Variants in ODAD4 observed in about 807,000 individuals in gnomAD.
The protein encoded by ODAD4 is outer dynein arm docking complex subunit 4, also known as outer dynein arm-docking complex subunit 4.
Under a neutral mutation model 51.8 loss-of-function variants are expected in ODAD4, and 49 were observed. The observed-to-expected ratio is 0.95, with a 90% confidence interval of 0.75 to 1.20. The LOEUF (loss-of-function observed/expected upper bound fraction) is 1.20. Among genes scored for constraint, ODAD4 ranks in the 50% most tolerant of loss-of-function variants. ODAD4 has a pLI of 0.00. For synonymous variants in ODAD4, 235 were observed against 221.3 expected, an observed-to-expected ratio of 1.06 and a Z score of -0.55; for missense variants, 590 against 586.5, an observed-to-expected ratio of 1.01 and a Z score of -0.06.
intron 9 of ODAD4, among the ~76,000 whole-genome samples, chr17:41,951,330 G>T (rs2050648681): frequency 1.3e-5 from 2 of 151,884 alleles, no homozygotes; most frequent in African/African-American, 4.8e-5. Flanking sequence ...TGATCTGCCT[G>T]CTTCAGCCTC....
rs2050874479 is a variant in ODAD4, at chr17:41,965,698, G to A, written c.*215G>A. 2.5e-5 allele frequency: 13 copies of A among 510,182 alleles called. No individual in the cohort carries two copies. The East Asian group carries it at 3.8e-4, about 15-fold the overall frequency. The allele number at this position is 510,182 out of a possible 1,614,324, so 31.6% of individuals were successfully genotyped here. A position where few individuals can be genotyped will look rare whatever the true frequency, so the allele number is the denominator to read the frequency against. On this transcript the variant is annotated 3_prime_UTR_variant, in exon 12 of 12. Coordinates refer to ENST00000377540, the MANE Select transcript of ODAD4 (RefSeq NM_031421.5). ...TCTTCACCCCTGCCCATTCTTGGAAGAGCATCGTGGAAGAAATGAGAAAGG... is the reference window on the plus strand; with the variant it reads ...TCTTCACCCCTGCCCATTCTTGGAAAAGCATCGTGGAAGAAATGAGAAAGG...
chr17:41,930,802 G>A lies in ODAD4; in HGVS notation c.79G>A (p.Gly27Arg), dbSNP rs199737978. ...CGAAGGCGAGCGGCTCTACCTGTGCGGGGAATTTTCTAAAGCCGCGCAGAG... is the reference window on the plus strand; with the variant it reads ...CGAAGGCGAGCGGCTCTACCTGTGCAGGGAATTTTCTAAAGCCGCGCAGAG... Reference protein sequence around the residue: ...MAEGERLYLCGEFSKAAQSFS... With the variant: ...MAEGERLYLCREFSKAAQSFS... Residue 27 changes from glycine to arginine, a missense_variant, in exon 1 of 12, where the codon GGG (glycine) becomes AGG (arginine). Around this residue, in one of 3 missense-constraint regions of ODAD4, gnomAD observed 360 missense variants for 407.5 expected, o/e 0.88. Coordinates refer to ENST00000377540, the MANE Select transcript of ODAD4 (RefSeq NM_031421.5). The A allele has an allele frequency of 1.1e-4, 176 of 1,602,842 alleles. No homozygotes were observed. The highest frequency in any genetic ancestry group is 1.4e-4 in the Non-Finnish European group (163 of 1,174,438).
In ODAD4 at chr17:41,965,034, G is replaced by A. The variant is rs782366923; in HGVS notation, c.1570G>A (p.Asp524Asn). Residue 524 changes from aspartate to asparagine, a missense_variant, in exon 12 of 12, where the codon GAC becomes AAC. Asp to Asn is a conservative substitution (Grantham distance 23). Coordinates refer to ENST00000377540, the MANE Select transcript of ODAD4 (RefSeq NM_031421.5). ...AGATAGAATAATAACAAGAGAGAAGGACATGAGGAGAGTGAGAGATGAGCC... is the reference window on the plus strand; with the variant it reads ...AGATAGAATAATAACAAGAGAGAAGAACATGAGGAGAGTGAGAGATGAGCC... ...YEDRIITREK[D>N]MRRVRDEPEK... 1 of 731,272 alleles carries A rather than the reference G, an allele frequency of 1.4e-6. No homozygotes were observed. The highest frequency in any genetic ancestry group is 2.5e-6 in the Non-Finnish European group (1 of 392,864). The allele number at this position is 731,272 out of a possible 1,614,324, so 45.3% of individuals were successfully genotyped here.
chr17:41,950,999 T>C (rs2050643608), intron 9 of ODAD4, among the ~76,000 whole-genome samples: 1 of 151,992 alleles, frequency 6.6e-6, no homozygotes, highest in Non-Finnish European at 1.5e-5. Flanking sequence ...CATAAGCCAC[T>C]GCACCCGGCC....
rs563243947 is a variant in ODAD4, at chr17:41,935,678, A to G, written c.326A>G (p.Lys109Arg). Residue 109 changes from lysine (K) to arginine (R), a missense_variant, in exon 3 of 12, where the codon AAG becomes AGG. Lys to Arg is a conservative substitution (Grantham distance 26). This residue lies in a region of ODAD4 where 360 missense variants were observed against 407.5 expected (regional missense o/e 0.88). Transcript: ENST00000377540. ...FALVFYHRGY[K>R]LRPDREFRVG... ...TTGGTATTCTATCATCGAGGCTACA[A>G]GCTGAGGCCTGATCGGGAATTCAGA... The G allele has an allele frequency of 6.2e-7, 1 of 1,613,858 alleles. No individual in the cohort carries two copies. Among genetic ancestry groups the G allele is most frequent in the South Asian group, 1.1e-5 (1 of 91,038 alleles).
Position 41,961,456 on chromosome 17 carries a change from A to G in ODAD4, c.1518A>G (p.Lys506=), listed in dbSNP as rs781796717. The G allele has an allele frequency of 8.2e-6, 6 of 728,782 alleles. No homozygotes were observed. Among genetic ancestry groups the G allele is most frequent in the Non-Finnish European group, 1.5e-5 (6 of 391,132 alleles). The allele number at this position is 728,782 out of a possible 1,614,324, so 45.1% of individuals were successfully genotyped here. Residue 506 remains lysine, a synonymous_variant, in exon 11 of 12, where the codon AAA becomes AAG. Coordinates refer to ENST00000377540, the MANE Select transcript of ODAD4 (RefSeq NM_031421.5). ...ACTACGTGGAGAATCTCAAAGAAAA[A>G]AGCGAGGGAGGTGAGTTCCTGAAAC... is the stretch of plus-strand genomic sequence containing the variant. ...KTNYVENLKE[K]SEGEASLYED...
intron 9 of ODAD4, among the ~76,000 whole-genome samples, chr17:41,952,106 T>C (rs2050661965): frequency 6.6e-6 from 1 of 151,356 alleles, no homozygotes; most frequent in South Asian, 2.1e-4. Flanking sequence ...CAGTGGCCCA[T>C]GCCTGTAATC....
Position 41,930,663 on chromosome 17 carries a change from A to T in ODAD4, c.-61A>T. On this transcript the variant is annotated 5_prime_UTR_variant, in exon 1 of 12. Coordinates refer to ENST00000377540, the MANE Select transcript of ODAD4 (RefSeq NM_031421.5). ...AAGAAACGGAGCTTCCACAAACCAG[A>T]TAGAGGTTCTCCAGCTTTTCTTTGA... 9.0e-7 allele frequency: 1 copy of T among 1,115,804 alleles called. No individual in the cohort carries two copies. The highest frequency in any genetic ancestry group is 1.3e-6 in the Non-Finnish European group (1 of 751,660). 69.1% of individuals were successfully genotyped at this position (1,115,804 alleles called of 1,614,324 possible). A position where few individuals can be genotyped will look rare whatever the true frequency, so the allele number is the denominator to read the frequency against.
intron 11 of ODAD4, among the ~76,000 whole-genome samples, chr17:41,963,063 T>C (rs2050826626): frequency 1.3e-5 from 2 of 152,184 alleles, no homozygotes; most frequent in South Asian, 4.1e-4. Flanking sequence ...AGAGAGACTC[T>C]GCGGGGAAGC....
chr17:41,944,442 ACACCC>A (rs200948607), intron 7 of ODAD4, among the ~76,000 whole-genome samples: 3 of 5,526 alleles, frequency 5.4e-4, no homozygotes, highest in African/African-American at 6.8e-4. Flanking sequence ...ACACACACAC[ACACCC>A]CCCCGCATAC....
chr17:41,954,279 G>A (rs1421952245), intron 9 of ODAD4, among the ~76,000 whole-genome samples: 6 of 151,952 alleles, frequency 3.9e-5, no homozygotes, highest in East Asian at 3.9e-4. Context: ...GAGCCACCAC[G>A]CCCGGCCTGA....
At chr17:41,951,883 C>CAAA (rs55769009) in intron 9 of ODAD4, among the ~76,000 whole-genome samples, 16 of 35,534 alleles carry the variant, frequency 4.5e-4, no homozygotes, top group Non-Finnish European at 5.0e-4. Flanking sequence ...GACTCTGTCG[C>CAAA]AAAAAAAAAA....
chr17:41,937,767 T>C (rs1248088272), intron 5 of ODAD4, among the ~76,000 whole-genome samples: 3 of 151,924 alleles, frequency 2.0e-5, no homozygotes, highest in African/African-American at 7.3e-5. Flanking sequence ...CCACTACACC[T>C]GGCCAGTCCA....
At chr17:41,941,288 C>G (rs1369928016) in intron 7 of ODAD4, among the ~76,000 whole-genome samples, 1 of 152,216 alleles carries the variant, frequency 6.6e-6, no homozygotes, top group Non-Finnish European at 1.5e-5. Context: ...GGTTGCCCTT[C>G]TTCACTTGAC....
chr17:41,944,193 G>A (rs1393928482), intron 7 of ODAD4, among the ~76,000 whole-genome samples: 13 of 141,860 alleles, frequency 9.2e-5, no homozygotes, highest in Admixed American at 1.4e-4. Flanking sequence ...GTGAAACTCC[G>A]TCTCAAAAAA....
At chr17:41,953,358 T>C (rs1555640518) in intron 9 of ODAD4, among the ~76,000 whole-genome samples, 6 of 144,812 alleles carry the variant, frequency 4.1e-5, no homozygotes, top group Non-Finnish European at 9.1e-5. Context: ...CGCGACTGGC[T>C]GTAATGACCT....
Position 41,938,911 on chromosome 17 carries a change from T to C in ODAD4, c.851-54T>C, listed in dbSNP as rs2050466922. The C allele has an allele frequency of 3.8e-6, 6 of 1,587,476 alleles. No homozygotes were observed. In the East Asian group the frequency reaches 1.3e-4, roughly 36 times the overall value. On this transcript the variant is annotated intron_variant, in intron 6 of 11. Transcript: ENST00000377540. ...GTGTCTGCAGGAAGAGGAGTTACCC[T>C]GTCAGCTAAGAGGAGGCTGCCCTGG...
chr17:41,936,637 C>A, intron 4 of ODAD4, 103 bp downstream of exon 4: 1 of 1,514,446 alleles, frequency 6.6e-7, no homozygotes, highest in Non-Finnish European at 9.1e-7. Flanking sequence ...AGGCATACTC[C>A]GTGACTCTTG....
At chr17:41,934,426 A>AC (rs11391149) in intron 1 of ODAD4, among the ~76,000 whole-genome samples, 133,921 of 151,902 alleles carry the variant, frequency 0.88, 59,430 homozygotes, top group East Asian at 1. Flanking sequence ...ATCATGGCTT[A>AC]TGCAGCCTCG....
Sources: gnomAD v4.1 joint callset for allele counts (sites outside exome capture counted in the v4.1 genomes callset) on GRCh38, gnomAD v4.1.1 for gene constraint, gnomAD v4.1.1 regional missense constraint, MANE v1.5 for transcripts, NCBI Gene and HGNC (gene_info 2026-07-23, HGNC 2026-07-21) for gene names.